Variants in SLC12A9 observed in about 807,000 individuals in gnomAD.
SLC12A9 encodes the protein CCC-interacting protein 1.
A neutral mutation model predicts 66.0 loss-of-function variants in SLC12A9; 55 were observed. That is an observed-to-expected ratio of 0.83 (90% confidence interval 0.67 to 1.04). The LOEUF (loss-of-function observed/expected upper bound fraction) is 1.04. SLC12A9 is among the 50% of genes least tolerant of loss of function. The pLI, the probability that SLC12A9 is intolerant of heterozygous loss-of-function variation, is 0.00. For synonymous variants in SLC12A9, 577 were observed against 569.0 expected, an observed-to-expected ratio of 1.01 and a Z score of -0.20; for missense variants, 1,061 against 1,241.9, an observed-to-expected ratio of 0.85 and a Z score of 2.19.
chr7:100,855,072 G>A (rs1814304738), intron 3 of SLC12A9, among the ~76,000 whole-genome samples: 1 of 152,130 alleles, frequency 6.6e-6, no homozygotes. Flanking sequence ...GCTGAGGCAC[G>A]AGAATCGCTT....
upstream of SLC12A9, among the ~76,000 whole-genome samples, chr7:100,848,639 C>A: frequency 6.6e-6 from 1 of 152,098 alleles, no homozygotes; most frequent in African/African-American, 2.4e-5. Context: ...GTAATTCCAG[C>A]ACTTTGGGAG....
chr7:100,833,732 A>C (rs1813588086), intron 1 of SLC12A9, among the ~76,000 whole-genome samples: 1 of 151,934 alleles, frequency 6.6e-6, no homozygotes, highest in African/African-American at 2.4e-5. Flanking sequence ...CAGGAGATCG[A>C]GACAATCCTG....
Position 100,854,297 on chromosome 7 carries a change from GC to G in SLC12A9, c.103del (p.Arg35GlyfsTer20), listed in dbSNP as rs1372682935. On this transcript the variant is annotated frameshift_variant, in exon 2 of 14. Transcript: ENST00000354161. LOFTEE classifies it high-confidence loss of function. ...GGCCGGGGGTCCTGGAGGGGCGTCT[GC>G]CCGGAAGCTGTCCACCTTCCTGGGT... ...NGAGGPGGAS[A>X]RKLSTFLGVV... 3.7e-6 allele frequency: 6 copies of G among 1,604,260 alleles called. No individual in the cohort carries two copies. The Admixed American group carries it at 8.9e-5, about 24-fold the overall frequency.
intron 3 of SLC12A9, 89 bp from the exon 4 acceptor site, chr7:100,855,617 C>A: frequency 6.3e-7 from 1 of 1,575,602 alleles, no homozygotes; most frequent in Non-Finnish European, 8.7e-7. Context: ...GGCCTGGCTG[C>A]ACTTGGGTTC....
intron 1 of SLC12A9, among the ~76,000 whole-genome samples, chr7:100,846,329 G>A (rs987291221): frequency 6.6e-6 from 1 of 152,190 alleles, no homozygotes; most frequent in Non-Finnish European, 1.5e-5. Context: ...CACTTTGGGA[G>A]GCCGAGGCGG....
At chr7:100,857,264 G>A in intron 5 of SLC12A9, 88 bp downstream of exon 5, 1 of 1,388,360 alleles carries the variant, frequency 7.2e-7, no homozygotes, top group Non-Finnish European at 9.9e-7. Context: ...GATGAGCACA[G>A]GTGTCAGAGG....
intron 1 of SLC12A9, among the ~76,000 whole-genome samples, chr7:100,841,205 C>A (rs1387929946): frequency 1.3e-5 from 2 of 150,464 alleles, no homozygotes; most frequent in South Asian, 2.1e-4. Flanking sequence ...TGAAGAATAT[C>A]GAAGAATTGT....
At chr7:100,846,338 G>A (rs314332) in intron 1 of SLC12A9, among the ~76,000 whole-genome samples, 74,903 of 151,810 alleles carry the variant, frequency 0.49, 19,055 homozygotes, top group East Asian at 0.8. Flanking sequence ...AGGCCGAGGC[G>A]GGTGGATCAC....
chr7:100,830,499 C>CAG, intron 1 of SLC12A9, among the ~76,000 whole-genome samples: 1 of 151,862 alleles, frequency 6.6e-6, no homozygotes, highest in Admixed American at 6.6e-5. Context: ...CATAGCGAGA[C>CAG]CCTGTCTACA....
Position 100,856,881 on chromosome 7 carries a change from CA to C in SLC12A9, c.463del (p.Ser155ValfsTer67), listed in dbSNP as rs757203492. 1 of 1,600,210 alleles carries C rather than the reference CA, an allele frequency of 6.2e-7. No individual in the cohort carries two copies. The highest frequency in any genetic ancestry group is 1.1e-5 in the South Asian group (1 of 90,416). ...ACCTCTCTCCAGATGCCACAGGGCC[CA>C]GTGGGCTCCGGGTCCTGCCCCAGGG... ...DVFGADATGP[S>X]GLRVLPQGYG... On this transcript the variant is annotated frameshift_variant, in exon 5 of 14. Transcript: ENST00000354161. LOFTEE classifies it high-confidence loss of function.
At chr7:100,839,741 T>C (rs1487383449) in intron 1 of SLC12A9, among the ~76,000 whole-genome samples, 1 of 152,114 alleles carries the variant, frequency 6.6e-6, no homozygotes, top group Non-Finnish European at 1.5e-5. Flanking sequence ...AAGACTAGTC[T>C]TTGAAACTTG....
chr7:100,826,961 C>G, exon 1 of SLC12A9: 2 of 1,528,712 alleles, frequency 1.3e-6, no homozygotes, highest in Middle Eastern at 1.7e-4. Context: ...GTGCGCCCCC[C>G]CCCGCAAGGA....
At chr7:100,837,980 C>T (rs1268949669) in intron 1 of SLC12A9, among the ~76,000 whole-genome samples, 1 of 151,294 alleles carries the variant, frequency 6.6e-6, no homozygotes, top group Non-Finnish European at 1.5e-5. Context: ...CCTGCCTCAG[C>T]CTCCCAAGTA....
intron 1 of SLC12A9, among the ~76,000 whole-genome samples, chr7:100,844,451 T>C (rs1813860219): frequency 6.6e-6 from 1 of 152,188 alleles, no homozygotes; most frequent in Non-Finnish European, 1.5e-5. Flanking sequence ...ACGTTAAAAT[T>C]TGATGCCTGT....
At chr7:100,853,981 G>A (rs1160660626) in intron 1 of SLC12A9, among the ~76,000 whole-genome samples, 175 bp from the exon 2 acceptor site, 4 of 152,012 alleles carry the variant, frequency 2.6e-5, no homozygotes, top group Admixed American at 2.0e-4. Flanking sequence ...CACCTGCCTC[G>A]TCCTCCCAAA....
chr7:100,859,495 C>T (rs912492564), intron 7 of SLC12A9: 9 of 362,998 alleles, frequency 2.5e-5, no homozygotes, highest in East Asian at 1.9e-4. Flanking sequence ...GCAGGAGGAT[C>T]GCTGGAGCCC....
Position 100,856,864 on chromosome 7 carries a change from C to G in SLC12A9, c.449-4C>G, listed in dbSNP as rs376756646. On this transcript the variant is annotated splice_polypyrimidine_tract_variant and splice_region_variant and intron_variant, in intron 4 of 13. Coordinates refer to ENST00000354161, the MANE Select transcript of SLC12A9 (RefSeq NM_020246.4). ...CTTCTAACTCTGTCCCTACCTCTCTCCAGATGCCACAGGGCCCAGTGGGCT... is the reference window on the plus strand; with the variant it reads ...CTTCTAACTCTGTCCCTACCTCTCTGCAGATGCCACAGGGCCCAGTGGGCT... 2.5e-6 allele frequency: 4 copies of G among 1,583,686 alleles called. No homozygotes were observed. The highest frequency in any genetic ancestry group is 3.4e-6 in the Non-Finnish European group (4 of 1,166,856).
At chr7:100,862,881 C>A (rs920130025) in intron 13 of SLC12A9, 54 bp downstream of exon 13, 19 of 1,602,358 alleles carry the variant, frequency 1.2e-5, no homozygotes, top group Non-Finnish European at 1.2e-5. Flanking sequence ...CACTTCAAAT[C>A]TCCGCTCCCC....
At chr7:100,862,023 G>T in intron 12 of SLC12A9, 112 bp downstream of exon 12, 4 of 1,186,318 alleles carry the variant, frequency 3.4e-6, no homozygotes, top group Non-Finnish European at 4.6e-6. Flanking sequence ...GCAGTGGGAC[G>T]ATCTTGGCTC....
Sources: gnomAD v4.1 joint callset for allele counts (sites outside exome capture counted in the v4.1 genomes callset) on GRCh38, gnomAD v4.1.1 for gene constraint, MANE v1.5 for transcripts, NCBI Gene and HGNC (gene_info 2026-07-23, HGNC 2026-07-21) for gene names.